Variants in SCUBE1 observed in about 807,000 individuals in gnomAD.
SCUBE1 encodes signal peptide, CUB domain and EGF like domain containing 1.
In SCUBE1, 59 loss-of-function variants were observed where a neutral mutation model predicts 124.4. The observed-to-expected ratio is 0.47, with a 90% confidence interval of 0.38 to 0.59. The LOEUF (loss-of-function observed/expected upper bound fraction) is 0.59. Ranked by LOEUF, SCUBE1 falls within the 20% of genes least tolerant of loss-of-function variation. The pLI is 0.00. For missense variants in SCUBE1, 1,150 were observed against 1,371.2 expected (o/e 0.84, Z 2.55); for synonymous variants, 545 against 550.9 (o/e 0.99, Z 0.15).
chr22:43,308,314 G>A (rs1274043253), intron 3 of SCUBE1, among the ~76,000 whole-genome samples: 1 of 152,194 alleles, frequency 6.6e-6, no homozygotes, highest in Non-Finnish European at 1.5e-5. Flanking sequence ...ACCTGAAAGT[G>A]GGCCAAGAAT....
At chr22:43,265,631 G>A (rs867564190) in intron 4 of SCUBE1, among the ~76,000 whole-genome samples, 1 of 152,222 alleles carries the variant, frequency 6.6e-6, no homozygotes, top group Admixed American at 6.5e-5. Context: ...CAAGGGACGG[G>A]CCAGTGATTG....
intron 1 of SCUBE1, among the ~76,000 whole-genome samples, chr22:43,339,609 CTCTAT>C (rs1927203934): frequency 7.1e-6 from 1 of 141,724 alleles, no homozygotes; most frequent in African/African-American, 2.8e-5. Context: ...ACTCTCCTCA[CTCTAT>C]CCCCTACTCT....
chr22:43,228,054 C>T (rs1053616321), intron 9 of SCUBE1, among the ~76,000 whole-genome samples: 12 of 152,172 alleles, frequency 7.9e-5, no homozygotes, highest in South Asian at 2.1e-4. Flanking sequence ...CCCAAGTTTT[C>T]GAGAGTCTTT....
intron 4 of SCUBE1, chr22:43,270,414 G>T (rs1044128820): frequency 3.9e-5 from 6 of 152,262 alleles, no homozygotes; most frequent in Non-Finnish European, 8.8e-5. Context: ...AGTGACTGAG[G>T]TAAGGTGAGG....
intron 6 of SCUBE1, among the ~76,000 whole-genome samples, chr22:43,239,763 G>A (rs979038377): frequency 2.0e-5 from 3 of 152,200 alleles, no homozygotes; most frequent in African/African-American, 2.4e-5. Context: ...TTTATCTTGT[G>A]GAAGCTGTGG....
chr22:43,221,144 G>C (rs774136487), intron 13 of SCUBE1, 29 bp downstream of exon 13: 9 of 1,561,124 alleles, frequency 5.8e-6, no homozygotes. Context: ...CCCCGTTGGT[G>C]TGGGTTAGGA....
At chr22:43,252,863 GGGCAGGAT>G in intron 6 of SCUBE1, among the ~76,000 whole-genome samples, 7 of 152,058 alleles carry the variant, frequency 4.6e-5, no homozygotes, top group Middle Eastern at 3.4e-3. Flanking sequence ...TACAACGTGG[GGGCAGGAT>G]GGGAACGGTC....
chr22:43,241,422 G>A (rs1923001750), intron 6 of SCUBE1, among the ~76,000 whole-genome samples: 1 of 152,098 alleles, frequency 6.6e-6, no homozygotes, highest in Non-Finnish European at 1.5e-5. Flanking sequence ...CTCGGCCCAA[G>A]GCTGTGCAGC....
chr22:43,234,526 G>A lies in SCUBE1; in HGVS notation c.845-2651C>T, dbSNP rs1448510134. Among the ~76,000 whole-genome samples, 1 of 152,204 alleles carries A rather than the reference G, an allele frequency of 6.6e-6. No homozygotes were observed. Among genetic ancestry groups the A allele is most frequent in the Non-Finnish European group, 1.5e-5 (1 of 68,022 alleles). On this transcript the variant is annotated intron_variant, in intron 7 of 21. Coordinates refer to ENST00000360835, the MANE Select transcript of SCUBE1 (RefSeq NM_173050.5). This position sits in a 1 kb window ranked among gnomAD's most constrained non-coding sequence, Gnocchi z 4.4. ...CATAGCAACCAGACAGGCAGAGGGA[G>A]GCATGTCTGCCTGAGGCCCGGGCTG...
intron 7 of SCUBE1, among the ~76,000 whole-genome samples, chr22:43,235,043 C>CT (rs1223639262): frequency 6.6e-6 from 1 of 152,180 alleles, no homozygotes; most frequent in Non-Finnish European, 1.5e-5. Flanking sequence ...GAGCTAATGC[C>CT]TTTGGGGGCA....
Position 43,199,040 on chromosome 22 carries a change from A to C in SCUBE1, c.*4957T>G, listed in dbSNP as rs1543793. On this transcript the variant is annotated 3_prime_UTR_variant, in exon 22 of 22. Coordinates refer to ENST00000360835, the MANE Select transcript of SCUBE1 (RefSeq NM_173050.5). ...GTGTCTGTTTGTCTCTCTGCTGTCC[A>C]GGGCAATGTGTCTGTTTGTCTGTCT... 77 of 143,204 alleles carry C rather than the reference A, an allele frequency of 5.4e-4. No individual in the cohort carries two copies. Among genetic ancestry groups the C allele is most frequent in the South Asian group, 2.8e-3 (75 of 27,174 alleles). 8.9% of individuals were successfully genotyped at this position (143,204 alleles called of 1,614,324 possible).
At chr22:43,291,973 C>A (rs1925378346) in intron 3 of SCUBE1, among the ~76,000 whole-genome samples, 1 of 152,088 alleles carries the variant, frequency 6.6e-6, no homozygotes, top group Non-Finnish European at 1.5e-5. Flanking sequence ...AACCTCAGCT[C>A]TCAGTGACGT....
At chr22:43,281,736 G>A (rs1238188361) in intron 4 of SCUBE1, among the ~76,000 whole-genome samples, 1 of 152,140 alleles carries the variant, frequency 6.6e-6, no homozygotes. Context: ...GCTCTCTCTG[G>A]CCCCACTCCC....
intron 3 of SCUBE1, among the ~76,000 whole-genome samples, chr22:43,317,350 C>G (rs1290914175): frequency 6.6e-6 from 1 of 152,156 alleles, no homozygotes; most frequent in Non-Finnish European, 1.5e-5. Flanking sequence ...GCAGTTATCC[C>G]TGTTGGAGAC....
intron 2 of SCUBE1, among the ~76,000 whole-genome samples, chr22:43,329,253 C>A: frequency 6.6e-6 from 1 of 152,246 alleles, no homozygotes; most frequent in Non-Finnish European, 1.5e-5. Flanking sequence ...CAGGTCTGCC[C>A]GCAGGGCTGG....
intron 1 of SCUBE1, among the ~76,000 whole-genome samples, chr22:43,341,099 A>ATG (rs1277932857): frequency 7.9e-5 from 12 of 151,714 alleles, no homozygotes; most frequent in Non-Finnish European, 1.3e-4. Flanking sequence ...ACACACACAC[A>ATG]CATGCATGCA....
chr22:43,228,299 T>A (rs139013), intron 9 of SCUBE1, among the ~76,000 whole-genome samples: 1 of 152,020 alleles, frequency 6.6e-6, no homozygotes, highest in Non-Finnish European at 1.5e-5. Flanking sequence ...ACATCTAGAA[T>A]CTTCCTCTTT....
chr22:43,276,304 A>C (rs4822272), intron 4 of SCUBE1, among the ~76,000 whole-genome samples: 148,767 of 152,254 alleles, frequency 0.98, 72,693 homozygotes, highest in East Asian at 1. Flanking sequence ...GGGCTGAGGC[A>C]GAGGAGGAGC....
intron 4 of SCUBE1, among the ~76,000 whole-genome samples, chr22:43,288,699 G>GGCC (rs1215722374): frequency 6.6e-6 from 1 of 152,222 alleles, no homozygotes; most frequent in Non-Finnish European, 1.5e-5. Flanking sequence ...CCAAGGAGCG[G>GGCC]GCCCCATAGC....
Sources: gnomAD v4.1 joint callset for allele counts (sites outside exome capture counted in the v4.1 genomes callset) on GRCh38, gnomAD v4.1.1 for gene constraint, Gnocchi (gnomAD v3.1) non-coding constraint, MANE v1.5 for transcripts, NCBI Gene and HGNC (gene_info 2026-07-23, HGNC 2026-07-21) for gene names.